The following ENOSF1 variants were observed in gnomAD, a reference collection of about 807,000 sequenced individuals.
ENOSF1 encodes mitochondrial enolase superfamily member 1.
A neutral mutation model predicts 68.2 loss-of-function variants in ENOSF1; 73 were observed. That is an observed-to-expected ratio of 1.07 (90% CI 0.89 to 1.30). The LOEUF is 1.30. Among genes scored for constraint, ENOSF1 ranks in the 50% most tolerant of loss-of-function variants. The pLI, the probability that ENOSF1 is intolerant of heterozygous loss-of-function variation, is 0.00. For synonymous variants in ENOSF1, 223 were observed against 210.4 expected (o/e 1.06, Z -0.52); for missense variants, 589 against 554.5 (o/e 1.06, Z -0.62).
intron 3 of ENOSF1, 73 bp downstream of exon 3, chr18:697,167 C>G (rs1280011304): frequency 2.1e-6 from 2 of 974,478 alleles, no homozygotes; most frequent in Non-Finnish European, 3.3e-6. Context: ...TTTTCACATT[C>G]GTTGCACTCA....
At chr18:709,431 C>A (rs574245607) in intron 1 of ENOSF1, among the ~76,000 whole-genome samples, 2 of 152,258 alleles carry the variant, frequency 1.3e-5, no homozygotes, top group East Asian at 3.9e-4. Flanking sequence ...GGAGAAATAA[C>A]AAGGGCAATT....
intron 15 of ENOSF1, 61 bp downstream of exon 15, chr18:675,260 A>G: frequency 7.7e-7 from 1 of 1,307,098 alleles, no homozygotes. Flanking sequence ...CTAGTTCACG[A>G]GACAGGCGTG....
intron 5 of ENOSF1, chr18:691,543 C>T: frequency 2.8e-6 from 1 of 360,488 alleles, no homozygotes; most frequent in South Asian, 3.6e-5. Context: ...GATGGGGTCT[C>T]ACTATGTTGA....
chr18:712,545 G>A lies in ENOSF1; in HGVS notation c.43C>T (p.Arg15Cys), dbSNP rs1210500233. The A allele has an allele frequency of 1.9e-6, 3 of 1,539,568 alleles. No homozygotes were observed. Among genetic ancestry groups the A allele is most frequent in the Admixed American group, 2.0e-5 (1 of 50,968 alleles). ...RISRLSVRDVRFPTSLGGHGA... is the reference protein window; with the variant it reads ...RISRLSVRDVCFPTSLGGHGA... ...TGGCCCCCAAGCGACGTGGGGAAGC[G>A]CACGTCCCGGACCGAGAGCCGGGAG... The change falls in exon 1 of 16, where the codon CGC (arginine) becomes TGC (cysteine). Residue 15 changes from arginine (R) to cysteine (C), a missense_variant. Transcript: ENST00000647584.
intron 2 of ENOSF1, 147 bp from the exon 3 acceptor site, chr18:697,502 A>G (rs913293042): frequency 8.1e-6 from 5 of 619,066 alleles, no homozygotes; most frequent in South Asian, 5.7e-5. Flanking sequence ...TGTAATCTCA[A>G]CACTTTGGGA....
intron 10 of ENOSF1, among the ~76,000 whole-genome samples, chr18:684,231 G>A (rs1316410811): frequency 6.6e-6 from 1 of 151,882 alleles, no homozygotes; most frequent in African/African-American, 2.4e-5. Flanking sequence ...TCCTGACCTT[G>A]TGATCCGCCC....
intron 2 of ENOSF1, among the ~76,000 whole-genome samples, chr18:699,325 G>A (rs993573504): frequency 6.6e-5 from 10 of 152,168 alleles, no homozygotes; most frequent in South Asian, 4.1e-4. Context: ...AGCCGGTTGC[G>A]GTGGTGCGCC....
At chr18:666,385 C>A (rs2074816718), downstream of ENOSF1, among the ~76,000 whole-genome samples, 1 of 152,118 alleles carries the variant, frequency 6.6e-6, no homozygotes, top group Non-Finnish European at 1.5e-5. Context: ...GGGTCACACT[C>A]CACTCCCAGC....
Position 672,836 on chromosome 18 carries a change from A to G in ENOSF1, c.*1469T>C, listed in dbSNP as rs1059393. 0.14 allele frequency: 215,222 copies of G among 1,544,122 alleles called. 16,105 individuals carry two copies. The highest frequency in any genetic ancestry group is 0.15 in the Non-Finnish European group (173,364 of 1,130,044). On this transcript the variant is annotated 3_prime_UTR_variant, in exon 16 of 16. Coordinates refer to ENST00000647584, the MANE Select transcript of ENOSF1 (RefSeq NM_017512.7). ...CAACAGGTCGTACAATTATGGCAAA[A>G]TAATGGCCTTATTTTGTTTTTAGCT...
At chr18:678,236 G>A (rs369928759) in intron 12 of ENOSF1, 12 of 293,304 alleles carry the variant, frequency 4.1e-5, no homozygotes, top group East Asian at 3.6e-4. Context: ...ACGGAACCAC[G>A]GCAGAGCAGT....
chr18:706,124 C>T (rs1043980746), intron 2 of ENOSF1, among the ~76,000 whole-genome samples: 2 of 152,080 alleles, frequency 1.3e-5, no homozygotes, highest in African/African-American at 4.8e-5. Flanking sequence ...TGGTTACTCG[C>T]CCACTACAGG....
chr18:664,979 C>G, the ENOSF1 span, among the ~76,000 whole-genome samples: 2 of 150,404 alleles, frequency 1.3e-5, no homozygotes, highest in East Asian at 1.9e-4. Context: ...CTAAAATTCT[C>G]TTTTTTGGTT....
chr18:694,651 G>C (rs1325924010), intron 3 of ENOSF1, among the ~76,000 whole-genome samples: 4 of 151,296 alleles, frequency 2.6e-5, no homozygotes, highest in Non-Finnish European at 4.4e-5. Flanking sequence ...AAGAGAGAGA[G>C]AGAAAGATAT....
intron 1 of ENOSF1, 147 bp downstream of exon 1, chr18:712,357 T>C (rs1376975169): frequency 7.4e-7 from 1 of 1,360,392 alleles, no homozygotes; most frequent in South Asian, 1.3e-5. Flanking sequence ...AAGCCGCGCG[T>C]ACCATGGCGT....
At chr18:677,314 A>C (rs2075610435) in intron 14 of ENOSF1, 31 bp downstream of exon 14, 1 of 1,582,168 alleles carries the variant, frequency 6.3e-7, no homozygotes, top group African/African-American at 1.3e-5. Flanking sequence ...GACCCTACTG[A>C]AACAGAAAGT....
intron 2 of ENOSF1, among the ~76,000 whole-genome samples, chr18:701,573 G>A (rs1287053010): frequency 6.6e-6 from 1 of 151,876 alleles, no homozygotes; most frequent in Non-Finnish European, 1.5e-5. Context: ...TGGCTAACAT[G>A]GTGAAACCCC....
rs750237683 is a variant in ENOSF1 at position 683,395 on chromosome 18, T to C, written c.742-15A>G. The C allele has an allele frequency of 2.5e-6, 4 of 1,613,756 alleles. No homozygotes were observed. The South Asian group carries it at 4.4e-5, about 18-fold the overall frequency. ...GCATCCATCATCTGCAAAAAGAGAC[T>C]CTTCACAGGGAGGTCAGCCCTGAGC... is the stretch of plus-strand genomic sequence containing the variant. On this transcript the variant is annotated splice_polypyrimidine_tract_variant and intron_variant, in intron 10 of 15. Coordinates refer to ENST00000647584, the MANE Select transcript of ENOSF1 (RefSeq NM_017512.7).
chr18:679,520 T>C (rs1206139975), intron 11 of ENOSF1, among the ~76,000 whole-genome samples: 2 of 151,608 alleles, frequency 1.3e-5, no homozygotes, highest in African/African-American at 4.9e-5. Flanking sequence ...CATGTCTTTG[T>C]TGATTCCAAA....
intron 1 of ENOSF1, among the ~76,000 whole-genome samples, chr18:707,953 G>C (rs1339435721): frequency 6.6e-6 from 1 of 151,616 alleles, no homozygotes; most frequent in East Asian, 1.9e-4. Context: ...TCTGCCTCCT[G>C]GATTCAAGCG....
Sources: gnomAD v4.1 joint callset for allele counts (sites outside exome capture counted in the v4.1 genomes callset) on GRCh38, gnomAD v4.1.1 for gene constraint, MANE v1.5 for transcripts, NCBI Gene and HGNC (gene_info 2026-07-23, HGNC 2026-07-21) for gene names.